Variants in FOXP4 observed in about 807,000 individuals in gnomAD.
The protein encoded by FOXP4 is forkhead box protein P4.
In FOXP4, 25 loss-of-function variants were observed where a neutral mutation model predicts 82.6. That is an observed-to-expected ratio of 0.30 (90% CI 0.22 to 0.42). FOXP4 has a LOEUF of 0.42. Among genes scored for constraint, FOXP4 ranks in the 10% least tolerant of loss-of-function variants. The pLI is 1.00. For synonymous variants in FOXP4, 415 were observed against 388.2 expected, an observed-to-expected ratio of 1.07 and a Z score of -0.81; for missense variants, 785 against 900.9, an observed-to-expected ratio of 0.87 and a Z score of 1.65.
chr6:41,576,425 C>G (rs1001183574), intron 2 of FOXP4, among the ~76,000 whole-genome samples: 1 of 152,068 alleles, frequency 6.6e-6, no homozygotes, highest in African/African-American at 2.4e-5. Context: ...GCTTGTTGAG[C>G]GATGATGGGT....
intron 2 of FOXP4, among the ~76,000 whole-genome samples, chr6:41,567,345 G>A (rs1764940733): frequency 6.6e-6 from 1 of 152,232 alleles, no homozygotes; most frequent in Non-Finnish European, 1.5e-5. Context: ...GGAGACTGGA[G>A]CAGGGAAGGG....
chr6:41,590,487 C>CT, intron 12 of FOXP4, 140 bp downstream of exon 12: 1 of 866,670 alleles, frequency 1.2e-6, no homozygotes, highest in South Asian at 1.7e-5. Context: ...GGTCTTCCCT[C>CT]TCTGCTGTGC....
rs897133160 is a variant in FOXP4 at position 41,554,860 on chromosome 6, C to CA, written c.-17+8005dup. ...GGGCGACAGAATGAGACTCTGCCTC[C>CA]AAAAAAAAAAAAGACTGCAGGGTCT... On this transcript the variant is annotated intron_variant, in intron 1 of 16. Transcript: ENST00000307972. Among the ~76,000 whole-genome samples, 883 of 131,482 alleles carry CA rather than the reference C, an allele frequency of 6.7e-3. 4 individuals are homozygous for CA. The highest frequency in any genetic ancestry group is 8.4e-3 in the Non-Finnish European group (509 of 60,772). 86.3% of individuals were successfully genotyped at this position (131,482 alleles called of 152,430 possible).
At position 41,600,184 on chromosome 6, in the gene FOXP4, C is replaced by T. The variant is rs1767139118; in HGVS notation, c.*1248C>T. ...CAGGGCCCTGCCCCCCTCCCTTCCG[C>T]TCCTGCCCAGCCTGGGGGAAGGAGA... On this transcript the variant is annotated 3_prime_UTR_variant, in exon 17 of 17. Transcript: ENST00000307972. 1 of 152,538 alleles carries T rather than the reference C, an allele frequency of 6.6e-6. No individual in the cohort carries two copies. The allele number at this position is 152,538 out of a possible 1,614,324, so 9.4% of individuals were successfully genotyped here.
At chr6:41,584,621 G>T in intron 3 of FOXP4, 148 bp from the exon 4 acceptor site, 1 of 895,164 alleles carries the variant, frequency 1.1e-6, no homozygotes, top group Non-Finnish European at 1.7e-6. Context: ...TGTCCAAAGA[G>T]AGAGACAGCC....
intron 1 of FOXP4, among the ~76,000 whole-genome samples, chr6:41,550,120 G>C (rs756517305): frequency 4.6e-5 from 7 of 152,126 alleles, no homozygotes; most frequent in Non-Finnish European, 1.0e-4. Context: ...TTTGGTTCCA[G>C]AACTCTGGAA....
intron 1 of FOXP4, 21 bp from the exon 2 acceptor site, chr6:41,565,724 G>C: frequency 1.3e-6 from 2 of 1,560,910 alleles, no homozygotes; most frequent in Non-Finnish European, 1.7e-6. Flanking sequence ...CCTCTCCCCT[G>C]TGTCTCTCTT....
intron 3 of FOXP4, among the ~76,000 whole-genome samples, chr6:41,578,706 T>TG (rs1262067817): frequency 2.5e-5 from 1 of 40,788 alleles, no homozygotes; most frequent in Non-Finnish European, 4.7e-5. Flanking sequence ...GGGAGATCTG[T>TG]GGGGGGTGGG....
At chr6:41,568,246 T>C (rs574222844) in intron 2 of FOXP4, among the ~76,000 whole-genome samples, 1 of 152,336 alleles carries the variant, frequency 6.6e-6, no homozygotes, top group East Asian at 1.9e-4. Context: ...CCAATGCCTT[T>C]CGTCTCTGGT....
intron 1 of FOXP4, among the ~76,000 whole-genome samples, chr6:41,561,166 T>G (rs553532042): frequency 2.0e-5 from 3 of 152,326 alleles, no homozygotes; most frequent in Non-Finnish European, 4.4e-5. Context: ...TCCGACGGCA[T>G]CTGCAGGAGC....
chr6:41,594,667 T>TG (rs1766716941), intron 13 of FOXP4, among the ~76,000 whole-genome samples: 1 of 152,188 alleles, frequency 6.6e-6, no homozygotes, highest in Non-Finnish European at 1.5e-5. Flanking sequence ...GTGAAGAGGC[T>TG]GGGAACCCCT....
At chr6:41,566,159 C>T (rs1764869391) in intron 2 of FOXP4, among the ~76,000 whole-genome samples, 195 bp downstream of exon 2, 1 of 152,216 alleles carries the variant, frequency 6.6e-6, no homozygotes, top group Admixed American at 6.5e-5. Context: ...GCTACCACAG[C>T]ATTTTCAAGA....
At position 41,591,984 on chromosome 6, in the gene FOXP4, A is replaced by T. The variant is rs1213078251; in HGVS notation, c.1536+662A>T. Among the ~76,000 whole-genome samples the T allele has an allele frequency of 2.0e-5, 3 of 151,886 alleles. No individual in the cohort carries two copies. The highest frequency in any genetic ancestry group is 6.6e-5 in the Admixed American group (1 of 15,244). Reference sequence around the variant, plus strand: ...CTAGGCCATTTATTTTTCTATAGCCAAAAGGGGGGTGTGTGTGTGTGTCTG... The same window carrying T: ...CTAGGCCATTTATTTTTCTATAGCCTAAAGGGGGGTGTGTGTGTGTGTCTG... On this transcript the variant is annotated intron_variant, in intron 13 of 16. Coordinates refer to ENST00000307972, the MANE Select transcript of FOXP4 (RefSeq NM_001012426.2). This position sits in a 1 kb window ranked among gnomAD's most constrained non-coding sequence, Gnocchi z 4.2.
chr6:41,580,864 C>T (rs1445794219), intron 3 of FOXP4, among the ~76,000 whole-genome samples: 1 of 152,194 alleles, frequency 6.6e-6, no homozygotes, highest in African/African-American at 2.4e-5. Context: ...GATTTTCTGC[C>T]CACGCACCTC....
At chr6:41,555,141 G>T (rs1764203495) in intron 1 of FOXP4, among the ~76,000 whole-genome samples, 1 of 152,100 alleles carries the variant, frequency 6.6e-6, no homozygotes. Flanking sequence ...AGCTACTCGG[G>T]AGGCTGAGAC....
intron 5 of FOXP4, among the ~76,000 whole-genome samples, chr6:41,585,956 C>T (rs1390735061): frequency 6.6e-6 from 1 of 152,008 alleles, no homozygotes; most frequent in African/African-American, 2.4e-5. Flanking sequence ...AGCTTCTTCC[C>T]CTTCTTCTTA....
At position 41,600,997 on chromosome 6, in the gene FOXP4, C is replaced by T. The variant is rs977120420; in HGVS notation, c.*2061C>T. The T allele has an allele frequency of 2.0e-5, 3 of 152,274 alleles. No individual in the cohort carries two copies. The highest frequency in any genetic ancestry group is 6.5e-5 in the Admixed American group (1 of 15,288). 9.4% of individuals were successfully genotyped at this position (152,274 alleles called of 1,614,324 possible). On this transcript the variant is annotated 3_prime_UTR_variant, in exon 17 of 17. Transcript: ENST00000307972. ...CTGCAGGGATGGAGAGGACCACCGC[C>T]GCAGGGTTCTTTTACCTGTGCCACC...
chr6:41,581,944 T>A (rs1205274690), intron 3 of FOXP4, among the ~76,000 whole-genome samples: 1 of 152,236 alleles, frequency 6.6e-6, no homozygotes, highest in Non-Finnish European at 1.5e-5. Context: ...TGGAAAGATC[T>A]TCTGAGTGTC....
chr6:41,578,096 AC>A lies in FOXP4; in HGVS notation c.300+19del, dbSNP rs749636290. The A allele has an allele frequency of 6.2e-6, 10 of 1,608,280 alleles. No individual in the cohort carries two copies. The highest frequency in any genetic ancestry group is 7.6e-6 in the Non-Finnish European group (9 of 1,176,494). On this transcript the variant is annotated intron_variant, in intron 3 of 16. Coordinates refer to ENST00000307972, the MANE Select transcript of FOXP4 (RefSeq NM_001012426.2). ...CTGCTGTGCAGGTGAGGAAGAGAGC[AC>A]CCCGCTGGCTCTGGGTTGGGCTGGA...
Sources: allele counts gnomAD v4.1 joint callset (sites outside exome capture counted in the v4.1 genomes callset), GRCh38; gene constraint gnomAD v4.1.1; non-coding constraint Gnocchi (gnomAD v3.1); transcripts MANE v1.5; gene names NCBI Gene and HGNC (gene_info 2026-07-23, HGNC 2026-07-21).